The following OTOF variants were observed in gnomAD, a reference collection of about 807,000 sequenced individuals.
The protein encoded by OTOF is otoferlin.
In OTOF, 218 loss-of-function variants were observed where a neutral mutation model predicts 236.8. That is an observed-to-expected ratio of 0.92 (90% CI 0.82 to 1.03). The LOEUF (loss-of-function observed/expected upper bound fraction) is 1.03, where lower values mean the gene tolerates loss of function less well. Ranked by LOEUF, OTOF falls within the 50% of genes least tolerant of loss-of-function variation. The pLI, the probability that OTOF is intolerant of heterozygous loss-of-function variation, is 0.00. For synonymous variants in OTOF, 1,041 were observed against 1,072.5 expected (o/e 0.97, Z 0.57); for missense variants, 2,590 against 2,694.4 (o/e 0.96, Z 0.86).
chr2:26,508,570 TG>T (rs1666307814), intron 5 of OTOF, among the ~76,000 whole-genome samples: 1 of 152,222 alleles, frequency 6.6e-6, no homozygotes, highest in Admixed American at 6.5e-5. Context: ...CAGTTCTTGC[TG>T]GCGGCCCAGC....
At chr2:26,483,204 CAT>C (rs1665610294) in intron 13 of OTOF, among the ~76,000 whole-genome samples, 1 of 151,802 alleles carries the variant, frequency 6.6e-6, no homozygotes, top group Non-Finnish European at 1.5e-5. Context: ...TGAGTGGGTG[CAT>C]GTGTGTGTGC....
intron 11 of OTOF, among the ~76,000 whole-genome samples, chr2:26,485,680 C>T (rs1665682545): frequency 6.6e-6 from 1 of 152,260 alleles, no homozygotes; most frequent in Admixed American, 6.5e-5. Context: ...CCCTCCTTCA[C>T]TCCCTCCTCT....
Position 26,480,331 on chromosome 2 carries a change from A to T in OTOF, c.1804-20T>A, listed in dbSNP as rs559791845. On this transcript the variant is annotated intron_variant, in intron 15 of 46. Coordinates refer to ENST00000272371, the MANE Select transcript of OTOF (RefSeq NM_194248.3). ...ACAGCTCTGTGGGGAGGCAGTTCAA[A>T]GCGTTCCTGAGCTTGAGTAAGGGTG... The T allele has an allele frequency of 2.9e-5, 41 of 1,437,224 alleles. 1 individual carries two copies. The East Asian group carries it at 8.2e-4, about 29-fold the overall frequency. The allele number at this position is 1,437,224 out of a possible 1,614,324, so 89.0% of individuals were successfully genotyped here. A position where few individuals can be genotyped will look rare whatever the true frequency, so the allele number is the denominator to read the frequency against.
At position 26,461,014 on chromosome 2, in the gene OTOF, G is replaced by A; in HGVS notation, c.5550C>T (p.Asp1850=). ...ADDFLGAIEL[D]LNRFPRGAKT... is the part of the protein sequence containing the mutation. ...TTGCGCCCCGCGGGAACCGGTTCAG[G>A]TCCAGCTCGATGGCCCCTGTGGCAA... is the stretch of plus-strand genomic sequence containing the variant. The change falls in exon 44 of 47, where the codon GAC becomes GAT. Residue 1850 remains aspartate, a synonymous_variant. Transcript: ENST00000272371. The surrounding 1 kb of genome is among the most constrained non-coding windows in gnomAD (Gnocchi z 6.2). The A allele has an allele frequency of 6.4e-7, 1 of 1,560,508 alleles. No homozygotes were observed. Among genetic ancestry groups the A allele is most frequent in the Non-Finnish European group, 8.7e-7 (1 of 1,148,142 alleles).
intron 15 of OTOF, 72 bp from the exon 16 acceptor site, chr2:26,480,383 G>T: frequency 3.2e-6 from 3 of 937,506 alleles, no homozygotes; most frequent in Non-Finnish European, 3.5e-6. Flanking sequence ...GCCTCCTTCC[G>T]TCTCACAGAC....
At chr2:26,507,284 C>T (rs1320640331) in intron 5 of OTOF, among the ~76,000 whole-genome samples, 2 of 152,220 alleles carry the variant, frequency 1.3e-5, no homozygotes, top group African/African-American at 4.8e-5. Flanking sequence ...GTGATCAGTA[C>T]AGCATGATGT....
chr2:26,480,833 T>G lies in OTOF; in HGVS notation c.1756A>C (p.Thr586Pro). 6.2e-7 allele frequency: 1 copy of G among 1,612,662 alleles called. No individual in the cohort carries two copies. The highest frequency in any genetic ancestry group is 1.7e-5 in the Admixed American group (1 of 59,998). Reference sequence around the variant, plus strand: ...TCCACCTGCACCTCTGTGGAGCTGGTGAGCTCAGGGTTGGAGGTGTCTACG... The same window carrying G: ...TCCACCTGCACCTCTGTGGAGCTGGGGAGCTCAGGGTTGGAGGTGTCTACG... ...EIVDTSNPEL[T>P]SSTEVQVEQA... The change falls in exon 15 of 47, where the codon ACC becomes CCC. Residue 586 changes from threonine (T) to proline (P), a missense_variant. Transcript: ENST00000272371.
At chr2:26,532,406 C>A (rs981712040) in intron 2 of OTOF, among the ~76,000 whole-genome samples, 1 of 152,188 alleles carries the variant, frequency 6.6e-6, no homozygotes, top group African/African-American at 2.4e-5. Flanking sequence ...ACTCAAGTAG[C>A]AGTTAAGCCA....
At chr2:26,516,373 C>A in intron 5 of OTOF, 45 bp downstream of exon 5, 1 of 1,570,896 alleles carries the variant, frequency 6.4e-7, no homozygotes, top group Non-Finnish European at 8.7e-7. Context: ...GTCTCTTCCC[C>A]GTGTCTTGGG....
chr2:26,481,623 A>C (rs772205802), intron 14 of OTOF, among the ~76,000 whole-genome samples: 33 of 152,202 alleles, frequency 2.2e-4, no homozygotes, highest in Non-Finnish European at 3.1e-4. Context: ...TTCACATGAC[A>C]TAAAATTCAC....
In OTOF at chr2:26,473,661, C is replaced by T. The variant is rs1665110595; in HGVS notation, c.3409-94G>A. 34 of 1,303,504 alleles carry T rather than the reference C, an allele frequency of 2.6e-5. No homozygotes were observed. The highest frequency in any genetic ancestry group is 4.4e-5 in the African/African-American group (3 of 68,136). 80.7% of individuals were successfully genotyped at this position (1,303,504 alleles called of 1,614,324 possible). A position where few individuals can be genotyped will look rare whatever the true frequency, so the allele number is the denominator to read the frequency against. ...CTGGACCATCCAATAGGGAACCGGGCAGTGGGATGGGCAGTAGTTCACCCC... is the reference window on the plus strand; with the variant it reads ...CTGGACCATCCAATAGGGAACCGGGTAGTGGGATGGGCAGTAGTTCACCCC... On this transcript the variant is annotated intron_variant, in intron 27 of 46. Transcript: ENST00000272371. This position sits in a 1 kb window ranked among gnomAD's most constrained non-coding sequence, Gnocchi z 7.2.
chr2:26,529,405 T>A (rs551789363), intron 2 of OTOF, among the ~76,000 whole-genome samples: 1 of 152,306 alleles, frequency 6.6e-6, no homozygotes, highest in South Asian at 2.1e-4. Flanking sequence ...TATGCAGAGG[T>A]CTGAATGCTC....
Position 26,457,913 on chromosome 2 carries a change from G to T in OTOF, c.*325C>A. 1.0e-6 allele frequency: 1 copy of T among 987,424 alleles called. No individual in the cohort carries two copies. The highest frequency in any genetic ancestry group is 1.5e-6 in the Non-Finnish European group (1 of 661,226). The allele number at this position is 987,424 out of a possible 1,614,324, so 61.2% of individuals were successfully genotyped here. ...GGCGGCCCCCGCAAGCAGGAGGCAG[G>T]CTCGGCCCAAGGCATGAAGAGTGGA... On this transcript the variant is annotated 3_prime_UTR_variant, in exon 47 of 47. Transcript: ENST00000272371. This position sits in a 1 kb window ranked among gnomAD's most constrained non-coding sequence, Gnocchi z 4.4.
intron 2 of OTOF, among the ~76,000 whole-genome samples, chr2:26,529,048 G>C (rs7557235): frequency 0.19 from 29,375 of 152,090 alleles, 3,443 homozygotes; most frequent in African/African-American, 0.33. Flanking sequence ...TATGAGGACA[G>C]TTTTTCCATG....
Position 26,495,084 on chromosome 2 carries a change from G to T in OTOF, c.766-11C>A. 1 of 1,614,038 alleles carries T rather than the reference G, an allele frequency of 6.2e-7. No individual in the cohort carries two copies. Among genetic ancestry groups the T allele is most frequent in the African/African-American group, 1.3e-5 (1 of 75,040 alleles). ...CACCGTGATGCTGACCTGCAGGCAGGAGAAGGGGGAGCCAGAAGGAAAGCT... is the reference window on the plus strand; with the variant it reads ...CACCGTGATGCTGACCTGCAGGCAGTAGAAGGGGGAGCCAGAAGGAAAGCT... On this transcript the variant is annotated splice_polypyrimidine_tract_variant and intron_variant, in intron 8 of 46. Transcript: ENST00000272371.
intron 1 of OTOF, among the ~76,000 whole-genome samples, chr2:26,549,596 T>C (rs1667410460): frequency 6.6e-6 from 1 of 152,160 alleles, no homozygotes; most frequent in African/African-American, 2.4e-5. Flanking sequence ...CCACAAATTG[T>C]ACTAAAATAT....
chr2:26,538,499 C>T (rs939813), intron 1 of OTOF, among the ~76,000 whole-genome samples: 52,441 of 152,206 alleles, frequency 0.34, 11,317 homozygotes, highest in Admixed American at 0.49. Flanking sequence ...CATACGCCAC[C>T]CACTAGGGCA....
chr2:26,510,831 C>T, intron 5 of OTOF: 1 of 956,716 alleles, frequency 1.0e-6, no homozygotes, highest in Non-Finnish European at 1.4e-6. Flanking sequence ...AGCCCCGGCC[C>T]CACGGGCCTG....
intron 8 of OTOF, among the ~76,000 whole-genome samples, chr2:26,499,022 G>A (rs1014538061): frequency 4.6e-5 from 7 of 152,138 alleles, no homozygotes; most frequent in Non-Finnish European, 1.0e-4. Context: ...CAGGTCAGTG[G>A]CAGGGGCATG....
Sources: allele counts gnomAD v4.1 joint callset (sites outside exome capture counted in the v4.1 genomes callset), GRCh38; gene constraint gnomAD v4.1.1; non-coding constraint Gnocchi (gnomAD v3.1); transcripts MANE v1.5; gene names NCBI Gene and HGNC (gene_info 2026-07-23, HGNC 2026-07-21).